TTC21B: variants seen among roughly 807,000 people sequenced by gnomAD.
TTC21B encodes tetratricopeptide repeat domain 21B, also known as tetratricopeptide repeat protein 21B.
TTC21B carries 127 observed loss-of-function variants against 175.1 expected under a neutral mutation model. That is an observed-to-expected ratio of 0.73 (90% CI 0.63 to 0.84). The LOEUF (loss-of-function observed/expected upper bound fraction) is 0.84, where lower values mean the gene tolerates loss of function less well. TTC21B is among the 40% of genes least tolerant of loss of function. The probability of loss-of-function intolerance (pLI) is 0.00; values close to 1 mark genes in which losing one functional copy is unlikely to be tolerated. For missense variants in TTC21B, 1,561 were observed against 1,558.3 expected, an observed-to-expected ratio of 1.00 and a Z score of -0.03; for synonymous variants, 524 against 524.5, an observed-to-expected ratio of 1.00 and a Z score of 0.01.
intron 6 of TTC21B, chr2:165,933,734 C>T (rs1687000420): frequency 2.0e-5 from 3 of 152,226 alleles, no homozygotes; most frequent in Non-Finnish European, 4.4e-5. Context: ...TGCCATGTAA[C>T]TAACTACAAA....
intron 22 of TTC21B, among the ~76,000 whole-genome samples, 165 bp from the exon 23 acceptor site, chr2:165,891,153 C>CTAGA (rs752102987): frequency 6.6e-6 from 1 of 152,002 alleles, no homozygotes; most frequent in Admixed American, 6.6e-5. Flanking sequence ...GTATGGCCAA[C>CTAGA]TAGATGATCT....
At chr2:165,931,993 A>G (rs1686927606) in intron 7 of TTC21B, 137 bp from the exon 8 acceptor site, 1 of 661,204 alleles carries the variant, frequency 1.5e-6, no homozygotes, top group Non-Finnish European at 2.7e-6. Flanking sequence ...TCCTCCTTCA[A>G]TGGATGATTA....
chr2:165,937,270 G>C lies in TTC21B; in HGVS notation c.710+3757C>G, dbSNP rs572197815. On this transcript the variant is annotated intron_variant, in intron 6 of 28. Transcript: ENST00000243344. ...AAAGGCAGTAAAAAGAGCAGTGGTTGCAAGGAGTTGGGGAGATGGAGGGAT... is the reference window on the plus strand; with the variant it reads ...AAAGGCAGTAAAAAGAGCAGTGGTTCCAAGGAGTTGGGGAGATGGAGGGAT... Among the ~76,000 whole-genome samples the C allele has an allele frequency of 5.3e-5, 8 of 152,212 alleles. No homozygotes were observed. In the South Asian group the frequency reaches 1.7e-3, roughly 32 times the overall value.
In TTC21B at chr2:165,890,844, T is replaced by C; in HGVS notation, c.3095A>G (p.Tyr1032Cys). The change falls in exon 23 of 29, where the codon TAT becomes TGT. Residue 1032 changes from tyrosine (Y) to cysteine (C), a missense_variant. Physicochemically the swap from Tyr to Cys is radical, Grantham distance 194. Coordinates refer to ENST00000243344, the MANE Select transcript of TTC21B (RefSeq NM_024753.5). ...TATTTGTAAATAGATTTACCAAAGA[T>C]ACAGTCCTTTACAATACTGAAATCC... ...EPGFQYCKGL[Y>C]LWYTGEPNDA... 1.2e-6 allele frequency: 2 copies of C among 1,613,248 alleles called. No homozygotes were observed. Among genetic ancestry groups the C allele is most frequent in the Middle Eastern group, 1.7e-4 (1 of 6,054 alleles).
At chr2:165,884,300 T>G (rs1004648367) in intron 25 of TTC21B, among the ~76,000 whole-genome samples, 1 of 152,198 alleles carries the variant, frequency 6.6e-6, no homozygotes, top group Non-Finnish European at 1.5e-5. Flanking sequence ...ACTTTATCTT[T>G]AATGGGATTC....
chr2:165,924,008 C>T (rs1378176317), intron 12 of TTC21B, among the ~76,000 whole-genome samples: 1 of 152,074 alleles, frequency 6.6e-6, no homozygotes, highest in Non-Finnish European at 1.5e-5. Context: ...TCGCTTTGGC[C>T]TCCCAATGTG....
intron 7 of TTC21B, among the ~76,000 whole-genome samples, chr2:165,932,606 A>G (rs1388962227): frequency 6.6e-6 from 1 of 152,064 alleles, no homozygotes; most frequent in East Asian, 1.9e-4. Context: ...AATATACTAT[A>G]AATTACATTT....
intron 8 of TTC21B, among the ~76,000 whole-genome samples, chr2:165,930,732 G>GGGGTGTGTGTGTGTGTGTGTGTGTGT (rs376602791): frequency 9.0e-6 from 1 of 110,828 alleles, no homozygotes; most frequent in Non-Finnish European, 2.1e-5. Flanking sequence ...TGGGTATGGG[G>GGGGTGTGTGTGTGTGTGTGTGTGTGT]GTGTGTGTGT....
chr2:165,886,144 A>G (rs141213640), intron 25 of TTC21B, among the ~76,000 whole-genome samples: 119 of 152,210 alleles, frequency 7.8e-4, no homozygotes, highest in Middle Eastern at 3.4e-3. Flanking sequence ...TTCCTCTGAA[A>G]CACATTGTCT....
At chr2:165,915,032 A>G (rs1015142854) in intron 15 of TTC21B, among the ~76,000 whole-genome samples, 169 bp downstream of exon 15, 1 of 152,122 alleles carries the variant, frequency 6.6e-6, no homozygotes, top group African/African-American at 2.4e-5. Context: ...GGGAGAGCAA[A>G]TAACTTGGTT....
intron 25 of TTC21B, among the ~76,000 whole-genome samples, chr2:165,887,945 C>T (rs974275818): frequency 6.6e-6 from 1 of 152,080 alleles, no homozygotes; most frequent in African/African-American, 2.4e-5. Flanking sequence ...TTTATTTCCA[C>T]TTAGTAAGTT....
At chr2:165,928,792 C>T in intron 11 of TTC21B, 1 of 237,494 alleles carries the variant, frequency 4.2e-6, no homozygotes, top group Non-Finnish European at 8.4e-6. Context: ...ACAAGAACTT[C>T]ATTTTAGTGT....
intron 15 of TTC21B, among the ~76,000 whole-genome samples, chr2:165,914,680 T>TGTGTGTGTGTGTGTGTGCGCGCGC (rs1553511371): frequency 6.9e-6 from 1 of 144,164 alleles, no homozygotes; most frequent in African/African-American, 2.7e-5. Flanking sequence ...TGTGTGTGTG[T>TGTGTGTGTGTGTGTGTGCGCGCGC]GTGTGTGTGT....
chr2:165,947,320 T>C (rs1292182690), intron 3 of TTC21B: 1 of 151,140 alleles, frequency 6.6e-6, no homozygotes, highest in Non-Finnish European at 1.5e-5. Flanking sequence ...GTTCTCTTTC[T>C]GGAATGGCTA....
intron 1 of TTC21B, among the ~76,000 whole-genome samples, chr2:165,952,032 G>C (rs1687776917): frequency 6.6e-6 from 1 of 152,122 alleles, no homozygotes; most frequent in African/African-American, 2.4e-5. Context: ...TGATTCTTGA[G>C]GAAGGTACAG....
In TTC21B at chr2:165,898,752, T is replaced by A. The variant is rs1010771919; in HGVS notation, c.2884A>T (p.Met962Leu). The A allele has an allele frequency of 1.2e-6, 2 of 1,611,580 alleles. No homozygotes were observed. Among genetic ancestry groups the A allele is most frequent in the Admixed American group, 3.3e-5 (2 of 60,018 alleles). ...TGTTCATAGTCTTGTTTTCTGAACATGAGATCAGCCATCATCTATAAAGAT... is the reference window on the plus strand; with the variant it reads ...TGTTCATAGTCTTGTTTTCTGAACAAGAGATCAGCCATCATCTATAAAGAT... ...EAATMMMADL[M>L]FRKQDYEQAV... is the part of the protein sequence containing the mutation. Residue 962 changes from methionine to leucine, a missense_variant, in exon 22 of 29, where the codon ATG becomes TTG. Met to Leu is a conservative substitution (Grantham distance 15). Coordinates refer to ENST00000243344, the MANE Select transcript of TTC21B (RefSeq NM_024753.5).
rs139885689 is a variant in TTC21B, at chr2:165,949,422, T to C, written c.234A>G (p.Ile78Met). ...DVSLCSLLAL[I>M]YAHKMSPNPD... Reference sequence around the variant, plus strand: ...GATTAGGACTCATTTTATGGGCATATATCAGTGCAAGTAGAGAACAAAGTG... The same window carrying C: ...GATTAGGACTCATTTTATGGGCATACATCAGTGCAAGTAGAGAACAAAGTG... Residue 78 changes from isoleucine to methionine, a missense_variant, in exon 3 of 29, where the codon ATA (isoleucine) becomes ATG (methionine). Ile to Met is a conservative substitution (Grantham distance 10). Transcript: ENST00000243344. 204 of 1,613,224 alleles carry C rather than the reference T, an allele frequency of 1.3e-4. No homozygotes were observed. The highest frequency in any genetic ancestry group is 1.6e-4 in the Non-Finnish European group (190 of 1,179,384).
At chr2:165,944,948 T>C (rs755715233) in intron 4 of TTC21B, among the ~76,000 whole-genome samples, 36 of 152,174 alleles carry the variant, frequency 2.4e-4, no homozygotes, top group Non-Finnish European at 4.1e-4. Context: ...CTCTTAACAC[T>C]TAAGCGTGTG....
chr2:165,929,840 TC>T, intron 9 of TTC21B, 93 bp from the exon 10 acceptor site: 5 of 850,680 alleles, frequency 5.9e-6, no homozygotes, highest in Non-Finnish European at 9.9e-6. Flanking sequence ...AAACACCCTT[TC>T]CCCCATCACA....
Sources: gnomAD v4.1 joint callset for allele counts (sites outside exome capture counted in the v4.1 genomes callset) on GRCh38, gnomAD v4.1.1 for gene constraint, MANE v1.5 for transcripts, NCBI Gene and HGNC (gene_info 2026-07-23, HGNC 2026-07-21) for gene names.